Variants in PSPC1 observed in about 807,000 individuals in gnomAD.
PSPC1 encodes paraspeckle component 1, also known as paraspeckle protein 1.
PSPC1 carries 14 observed loss-of-function variants against 51.6 expected under a neutral mutation model. The observed-to-expected ratio is 0.27, with a 90% CI of 0.18 to 0.42. PSPC1 has a LOEUF of 0.42. Among genes scored for constraint, PSPC1 ranks in the 10% least tolerant of loss-of-function variants. The probability of loss-of-function intolerance (pLI) is 1.00; values close to 1 mark genes in which losing one functional copy is unlikely to be tolerated. For synonymous variants in PSPC1, 193 were observed against 231.9 expected (o/e 0.83, Z 1.53); for missense variants, 406 against 701.1 (o/e 0.58, Z 4.75).
chr13:19,766,420 C>T (rs1314777479), intron 2 of PSPC1, among the ~76,000 whole-genome samples: 2 of 152,108 alleles, frequency 1.3e-5, no homozygotes, highest in African/African-American at 4.8e-5. Context: ...CAGCCAAGAG[C>T]GGTGGCTTGT....
At chr13:19,781,797 T>G (rs1219593319) in intron 1 of PSPC1, among the ~76,000 whole-genome samples, 1 of 152,032 alleles carries the variant, frequency 6.6e-6, no homozygotes, top group African/African-American at 2.4e-5. Context: ...TAAATTTAAT[T>G]TAAAAAGAAA....
At chr13:19,739,128 T>C (rs1885156305) in intron 5 of PSPC1, among the ~76,000 whole-genome samples, 1 of 152,190 alleles carries the variant, frequency 6.6e-6, no homozygotes, top group African/African-American at 2.4e-5. Flanking sequence ...AGAATTTATG[T>C]ATGGTTCTTA....
intron 3 of PSPC1, among the ~76,000 whole-genome samples, chr13:19,755,910 C>A (rs1887018991): frequency 6.6e-6 from 1 of 152,094 alleles, no homozygotes; most frequent in Non-Finnish European, 1.5e-5. Flanking sequence ...AGAACAGTGG[C>A]TAACACAAAG....
At chr13:19,708,506 G>T (rs140375371) in intron 7 of PSPC1, among the ~76,000 whole-genome samples, 1 of 152,024 alleles carries the variant, frequency 6.6e-6, no homozygotes, top group African/African-American at 2.4e-5. Context: ...TAAGGCCTAC[G>T]ATATGCCACA....
intron 8 of PSPC1, among the ~76,000 whole-genome samples, chr13:19,704,328 A>G (rs189762563): frequency 5.2e-4 from 80 of 152,382 alleles, no homozygotes; most frequent in African/African-American, 1.9e-3. Flanking sequence ...TCCCTGTATA[A>G]ACTATCATTT....
intron 4 of PSPC1, among the ~76,000 whole-genome samples, chr13:19,747,405 C>T (rs1886105667): frequency 1.3e-5 from 2 of 152,114 alleles, no homozygotes; most frequent in African/African-American, 4.8e-5. Flanking sequence ...AATTACAGCT[C>T]ACTACAGCCT....
downstream of PSPC1, among the ~76,000 whole-genome samples, chr13:19,698,261 A>C (rs1378976812): frequency 6.6e-6 from 1 of 152,108 alleles, no homozygotes; most frequent in East Asian, 1.9e-4. Flanking sequence ...TGTAATAAAG[A>C]GCTAGAAAAA....
At chr13:19,699,700 AC>A (rs1464878153), downstream of PSPC1, among the ~76,000 whole-genome samples, 3 of 21,284 alleles carry the variant, frequency 1.4e-4, no homozygotes, top group African/African-American at 2.0e-4. Flanking sequence ...CCTGCTACTT[AC>A]TTTAAAGTAG....
At chr13:19,710,554 T>C (rs1465480076) in intron 6 of PSPC1, among the ~76,000 whole-genome samples, 1 of 152,192 alleles carries the variant, frequency 6.6e-6, no homozygotes, top group East Asian at 1.9e-4. Flanking sequence ...CTTATTAAAA[T>C]CTAAATGTTC....
chr13:19,779,029 T>C (rs1248441173), intron 1 of PSPC1, among the ~76,000 whole-genome samples: 2 of 130,952 alleles, frequency 1.5e-5, no homozygotes, highest in African/African-American at 5.7e-5. Flanking sequence ...CGCTGCCCCA[T>C]CTGGGATGTG....
At chr13:19,675,679 A>C (rs1876561188) in intron 7 of PSPC1, 1 of 152,248 alleles carries the variant, frequency 6.6e-6, no homozygotes, top group South Asian at 2.1e-4. Context: ...AGTCTTCACT[A>C]GTAAACAGGA....
chr13:19,696,503 ACACACACACACATACG>A (rs1323153800), intron 6 of PSPC1, among the ~76,000 whole-genome samples: 7 of 149,274 alleles, frequency 4.7e-5, no homozygotes, highest in Non-Finnish European at 8.9e-5. Context: ...ACACACGCAC[ACACACACACACATACG>A]CACACACACA....
chr13:19,780,178 A>T (rs1425796180), intron 1 of PSPC1, among the ~76,000 whole-genome samples: 1 of 95,196 alleles, frequency 1.1e-5, no homozygotes, highest in Non-Finnish European at 2.3e-5. Context: ...CCCGTCCGGG[A>T]GGGAGGTGGG....
chr13:19,781,727 G>C (rs1190595240), intron 1 of PSPC1, among the ~76,000 whole-genome samples: 1 of 152,144 alleles, frequency 6.6e-6, no homozygotes. Flanking sequence ...GATCGCTCGT[G>C]CTCAGGAGTT....
intron 4 of PSPC1, 74 bp downstream of exon 4, chr13:19,751,197 G>C: frequency 8.2e-7 from 1 of 1,219,540 alleles, no homozygotes; most frequent in Non-Finnish European, 1.1e-6. Flanking sequence ...ACTTTACACA[G>C]TAGTACATGA....
At chr13:19,714,755 A>G (rs1047434637) in intron 6 of PSPC1, among the ~76,000 whole-genome samples, 2 of 152,112 alleles carry the variant, frequency 1.3e-5, no homozygotes, top group African/African-American at 4.8e-5. Flanking sequence ...TCAACCCCCC[A>G]AAGTGCTGTG....
chr13:19,708,860 T>A (rs2137765650), intron 7 of PSPC1, among the ~76,000 whole-genome samples: 1 of 152,276 alleles, frequency 6.6e-6, no homozygotes, highest in East Asian at 1.9e-4. Context: ...TCGGAAACTA[T>A]CAATTTCCAG....
chr13:19,671,274 A>T, downstream of PSPC1: 1 of 1,613,528 alleles, frequency 6.2e-7, no homozygotes, highest in East Asian at 2.2e-5. Flanking sequence ...GGTTGACAGA[A>T]GCACCCTCTG....
intron 3 of PSPC1, among the ~76,000 whole-genome samples, chr13:19,752,456 T>TA (rs1265524154): frequency 1.3e-5 from 2 of 152,094 alleles, no homozygotes; most frequent in African/African-American, 4.8e-5. Flanking sequence ...TAGAGACATA[T>TA]AAAAAATATG....
Sources: gnomAD v4.1 joint callset for allele counts (sites outside exome capture counted in the v4.1 genomes callset) on GRCh38, gnomAD v4.1.1 for gene constraint, MANE v1.5 for transcripts, NCBI Gene and HGNC (gene_info 2026-07-23, HGNC 2026-07-21) for gene names.